Variants in METTL15 observed in about 807,000 individuals in gnomAD.
The protein encoded by METTL15 is methyltransferase 15, mitochondrial 12S rRNA N4-cytidine.
Under a neutral mutation model 38.3 loss-of-function variants are expected in METTL15, and 34 were observed. The ratio of observed to expected loss-of-function variants is 0.89; its 90% CI spans 0.68 to 1.18. The LOEUF is 1.18. Among genes scored for constraint, METTL15 ranks in the 50% most tolerant of loss-of-function variants. METTL15 has a pLI of 0.00. For missense variants in METTL15, 438 were observed against 498.4 expected, an observed-to-expected ratio of 0.88 and a Z score of 1.15; for synonymous variants, 162 against 170.9, an observed-to-expected ratio of 0.95 and a Z score of 0.41.
intron 6 of METTL15, among the ~76,000 whole-genome samples, chr11:28,467,248 G>T (rs1012959891): frequency 6.6e-6 from 1 of 152,176 alleles, no homozygotes; most frequent in Admixed American, 6.5e-5. Flanking sequence ...TAGAGGGGTG[G>T]AGGATAAGGG....
At chr11:28,370,884 T>C (rs1474268785) in intron 5 of METTL15, among the ~76,000 whole-genome samples, 2 of 152,086 alleles carry the variant, frequency 1.3e-5, no homozygotes, top group Non-Finnish European at 2.9e-5. Flanking sequence ...CTTTTGCCCA[T>C]TTTTAAATTA....
At chr11:28,194,160 C>CTTTCTTTCTT (rs1851812211) in intron 3 of METTL15, among the ~76,000 whole-genome samples, 1 of 103,372 alleles carries the variant, frequency 9.7e-6, no homozygotes, top group African/African-American at 3.8e-5. Context: ...TTCTTTCTTT[C>CTTTCTTTCTT]TTTCTTTCTT....
intron 3 of METTL15, among the ~76,000 whole-genome samples, chr11:28,181,656 A>G (rs1349665537): frequency 6.6e-6 from 1 of 152,116 alleles, no homozygotes; most frequent in African/African-American, 2.4e-5. Flanking sequence ...CCAGTCTATC[A>G]TTGATGGACA....
Position 28,264,393 on chromosome 11 carries a change from G to A in METTL15, c.408-25813G>A, listed in dbSNP as rs1045286526. ...AAAGCAATATAATTAGTAGTTGTCTGTTTTTTTAAAATGTAATAATTACTC... is the reference window on the plus strand; with the variant it reads ...AAAGCAATATAATTAGTAGTTGTCTATTTTTTTAAAATGTAATAATTACTC... On this transcript the variant is annotated intron_variant, in intron 4 of 6. Transcript: ENST00000407364. Among the ~76,000 whole-genome samples the A allele has an allele frequency of 2.6e-5, 4 of 151,800 alleles. No homozygotes were observed. In the East Asian group the frequency reaches 7.7e-4, roughly 29 times the overall value.
intron 4 of METTL15, among the ~76,000 whole-genome samples, chr11:28,222,097 T>C (rs1008705953): frequency 2.0e-5 from 3 of 152,214 alleles, no homozygotes; most frequent in African/African-American, 7.2e-5. Context: ...CAGGGATATT[T>C]AAGTCTGCAG....
chr11:28,286,595 A>G (rs1245781193), intron 4 of METTL15, among the ~76,000 whole-genome samples: 1 of 152,158 alleles, frequency 6.6e-6, no homozygotes, highest in East Asian at 1.9e-4. Context: ...TTATAGAAAT[A>G]GTGATAAAAT....
At chr11:28,508,744 A>T (rs141965622) in intron 6 of METTL15, among the ~76,000 whole-genome samples, 18 of 152,138 alleles carry the variant, frequency 1.2e-4, no homozygotes, top group Middle Eastern at 3.4e-3. Context: ...GCTTTGGGGG[A>T]TGCTGATTTA....
intron 3 of METTL15, among the ~76,000 whole-genome samples, chr11:28,147,898 C>T (rs1849942285): frequency 6.6e-6 from 1 of 151,716 alleles, no homozygotes; most frequent in Non-Finnish European, 1.5e-5. Flanking sequence ...TATGAATGTG[C>T]CTGAGGAGTT....
At chr11:28,140,261 A>G (rs1488818642) in intron 3 of METTL15, among the ~76,000 whole-genome samples, 1 of 152,194 alleles carries the variant, frequency 6.6e-6, no homozygotes, top group East Asian at 1.9e-4. Flanking sequence ...CAACATCTTT[A>G]ACATTATAAA....
intron 6 of METTL15, among the ~76,000 whole-genome samples, chr11:28,445,845 G>C (rs1851070914): frequency 6.6e-6 from 1 of 151,818 alleles, no homozygotes; most frequent in African/African-American, 2.4e-5. Flanking sequence ...TAGAGATGAG[G>C]TTTTGCCATG....
At chr11:28,236,710 A>T (rs1041750825) in intron 4 of METTL15, among the ~76,000 whole-genome samples, 2 of 152,028 alleles carry the variant, frequency 1.3e-5, no homozygotes, top group African/African-American at 4.8e-5. Flanking sequence ...TGTTCTTTAC[A>T]TTTTGGCATG....
chr11:28,446,541 A>G (rs1331329750), intron 6 of METTL15, among the ~76,000 whole-genome samples: 1 of 152,052 alleles, frequency 6.6e-6, no homozygotes. Context: ...AGGTTAGGCT[A>G]AAGAAAAAAA....
Position 28,333,411 on chromosome 11 carries a change from G to A in METTL15, c.*2570G>A, listed in dbSNP as rs972367887. The A allele has an allele frequency of 4.6e-5, 7 of 152,136 alleles. No individual in the cohort carries two copies. The highest frequency in any genetic ancestry group is 1.0e-4 in the Non-Finnish European group (7 of 68,030). The allele number at this position is 152,136 out of a possible 1,614,324, so 9.4% of individuals were successfully genotyped here. ...GAATGAGTTTTAAATGGTTAGCTTT[G>A]GAGAATGGTTTTGGGAAGTTCCTAC... On this transcript the variant is annotated 3_prime_UTR_variant, in exon 7 of 7. Transcript: ENST00000407364.
intron 3 of METTL15, among the ~76,000 whole-genome samples, chr11:28,155,450 A>G (rs1850230812): frequency 6.6e-6 from 1 of 152,170 alleles, no homozygotes; most frequent in African/African-American, 2.4e-5. Context: ...CAGCCTCAAT[A>G]ATGCATCCTT....
At chr11:28,371,460 T>C (rs1358537746) in intron 5 of METTL15, among the ~76,000 whole-genome samples, 3 of 152,080 alleles carry the variant, frequency 2.0e-5, no homozygotes, top group East Asian at 1.9e-4. Flanking sequence ...TAAAGTAACA[T>C]GATGGCTCCA....
chr11:28,218,141 C>T (rs1209639651), intron 4 of METTL15, among the ~76,000 whole-genome samples: 1 of 152,100 alleles, frequency 6.6e-6, no homozygotes, highest in East Asian at 1.9e-4. Context: ...CTATAAATTA[C>T]CTTGGATAGT....
At chr11:28,170,032 G>A (rs1436760227) in intron 3 of METTL15, among the ~76,000 whole-genome samples, 2 of 152,118 alleles carry the variant, frequency 1.3e-5, no homozygotes, top group African/African-American at 4.8e-5. Context: ...TTGGGCTTCT[G>A]TACTGAGTGA....
At chr11:28,284,866 A>C (rs1374782304) in intron 4 of METTL15, among the ~76,000 whole-genome samples, 4 of 152,134 alleles carry the variant, frequency 2.6e-5, no homozygotes, top group African/African-American at 9.7e-5. Context: ...TAAAGAAACA[A>C]AATATACATG....
At position 28,243,994 on chromosome 11, in the gene METTL15, G is replaced by T. The variant is rs1182235755; in HGVS notation, c.407+32796G>T. Among the ~76,000 whole-genome samples, 4 of 152,072 alleles carry T rather than the reference G, an allele frequency of 2.6e-5. No homozygotes were observed. The East Asian group carries it at 5.8e-4, about 22-fold the overall frequency. The stretch of plus-strand genomic sequence containing the variant: ...TAATGACTGATGCCTTAGCTGATTG[G>T]GTCAATTGGCTAGAATTGCTGGGAC... On this transcript the variant is annotated intron_variant, in intron 4 of 6. Transcript: ENST00000407364.
Sources: allele counts gnomAD v4.1 joint callset (sites outside exome capture counted in the v4.1 genomes callset), GRCh38; gene constraint gnomAD v4.1.1; transcripts MANE v1.5; gene names NCBI Gene and HGNC (gene_info 2026-07-23, HGNC 2026-07-21).